Variants in BAIAP3 observed in about 807,000 individuals in gnomAD.
The protein encoded by BAIAP3 is BAI1 associated protein 3.
In BAIAP3, 180 loss-of-function variants were observed where a neutral mutation model predicts 149.7. That is an observed-to-expected ratio of 1.20 (90% CI 1.07 to 1.36). BAIAP3 has a LOEUF of 1.36. Among genes scored for constraint, BAIAP3 ranks in the 40% most tolerant of loss-of-function variants. BAIAP3 has a pLI of 0.00. For missense variants in BAIAP3, 1,767 were observed against 1,563.4 expected (o/e 1.13, Z -2.20); for synonymous variants, 845 against 670.7 (o/e 1.26, Z -4.02).
Position 1,349,289 on chromosome 16 carries a change from C to A in BAIAP3, c.*807C>A. 4 of 883,636 alleles carry A rather than the reference C, an allele frequency of 4.5e-6. No individual in the cohort carries two copies. Among genetic ancestry groups the A allele is most frequent in the South Asian group, 4.3e-5 (3 of 69,348 alleles). 54.7% of individuals were successfully genotyped at this position (883,636 alleles called of 1,614,324 possible). On this transcript the variant is annotated 3_prime_UTR_variant, in exon 34 of 34. Coordinates refer to ENST00000426824, the MANE Select transcript of BAIAP3 (RefSeq NM_001199097.2). ...GAGAGCGCCGAGGCAGGACACAGAG[C>A]ACAGCTGTGCTGGAAGTGTGGGGAG... is the stretch of plus-strand genomic sequence containing the variant.
intron 1 of BAIAP3, chr16:1,334,601 C>CG: frequency 6.7e-7 from 1 of 1,486,420 alleles, no homozygotes; most frequent in South Asian, 1.2e-5. Context: ...TCTGAGGCTT[C>CG]GGGGAGCCCA....
At chr16:1,335,932 A>ACCCC (rs1403537998) in intron 1 of BAIAP3, among the ~76,000 whole-genome samples, 4 of 152,132 alleles carry the variant, frequency 2.6e-5, no homozygotes, top group Non-Finnish European at 5.9e-5. Flanking sequence ...CCCATCTGAG[A>ACCCC]TGCAGGGAGC....
chr16:1,345,162 G>C (rs533843832), intron 21 of BAIAP3, 63 bp downstream of exon 21: 88 of 1,610,524 alleles, frequency 5.5e-5, no homozygotes, highest in Middle Eastern at 3.3e-4. Flanking sequence ...GGACCTGTGA[G>C]GGGGACGGTC....
Position 1,339,058 on chromosome 16 carries a change from T to TG in BAIAP3, c.219+69_219+70insG, listed in dbSNP as rs1223745475. 102 of 1,605,164 alleles carry TG rather than the reference T, an allele frequency of 6.4e-5. No individual in the cohort carries two copies. The Admixed American group carries it at 1.7e-3, about 27-fold the overall frequency. On this transcript the variant is annotated intron_variant, in intron 3 of 33. Transcript: ENST00000426824. ...GGGCTCCCCCTTTGCTCCTCCCCGC[T>TG]CCCTCCTGCCCTCGCTCCCACCTCC...
rs775745527 is a variant in BAIAP3 at position 1,345,988 on chromosome 16, C to T, written c.2211C>T (p.Asp737=). The part of the protein sequence containing the change: ...AQGLGTQLGQ[D]VCEATLFYTE... ...CCCCACCGCCATCCCCTCCTCAGGA[C>T]GTGTGTGAGGCCACCCTCTTCTATA... The change falls in exon 24 of 34, where the codon GAC becomes GAT. Residue 737 remains aspartate, a splice_region_variant and synonymous_variant. Transcript: ENST00000426824. 2.4e-5 allele frequency: 39 copies of T among 1,605,938 alleles called. No individual in the cohort carries two copies. Among genetic ancestry groups the T allele is most frequent in the Middle Eastern group, 1.7e-4 (1 of 6,054 alleles).
At chr16:1,347,402 G>A in intron 29 of BAIAP3, 33 bp downstream of exon 29, 2 of 1,609,372 alleles carry the variant, frequency 1.2e-6, no homozygotes, top group East Asian at 2.2e-5. Flanking sequence ...GCGGGGGTGT[G>A]GATGAGGGGA....
rs1256971685 is a variant in BAIAP3 at position 1,338,744 on chromosome 16, G to A, written c.131+64G>A. ...CCATTTCCCGCCAGACTTCACACAT[G>A]GCCGCCCCTGCCCCAGCACCCCTGG... is the stretch of plus-strand genomic sequence containing the variant. On this transcript the variant is annotated intron_variant, in intron 2 of 33. Coordinates refer to ENST00000426824, the MANE Select transcript of BAIAP3 (RefSeq NM_001199097.2). 1.9e-6 allele frequency: 3 copies of A among 1,560,628 alleles called. No individual in the cohort carries two copies. The African/African-American group carries it at 4.1e-5, about 21-fold the overall frequency.
chr16:1,348,256 G>C lies in BAIAP3; in HGVS notation c.3310G>C (p.Ala1104Pro), dbSNP rs777975522. 4 of 1,603,216 alleles carry C rather than the reference G, an allele frequency of 2.5e-6. No individual in the cohort carries two copies. In the African/African-American group the frequency reaches 5.3e-5, roughly 21 times the overall value. ...ARPQVGGGARAGQPVTLHLCR... is the reference protein window; with the variant it reads ...ARPQVGGGARPGQPVTLHLCR... ...GCCCCAGGTGGGCGGGGGTGCAAGG[G>C]CTGGGCAGCCTGTCACCCTGCACCT... Residue 1104 changes from alanine (A) to proline (P), a missense_variant, in exon 33 of 34, where the codon GCT becomes CCT. By Grantham distance (27) the Ala-to-Pro change is conservative (BLOSUM62 -1). Coordinates refer to ENST00000426824, the MANE Select transcript of BAIAP3 (RefSeq NM_001199097.2).
Position 1,341,437 on chromosome 16 carries a change from A to G in BAIAP3, c.679A>G (p.Thr227Ala). The G allele has an allele frequency of 6.2e-7, 1 of 1,612,648 alleles. No homozygotes were observed. The highest frequency in any genetic ancestry group is 8.5e-7 in the Non-Finnish European group (1 of 1,179,878). The change falls in exon 8 of 34, where the codon ACC (threonine) becomes GCC (alanine). Residue 227 changes from threonine to alanine, a missense_variant. By Grantham distance (58) the Thr-to-Ala change is moderately conservative. Coordinates refer to ENST00000426824, the MANE Select transcript of BAIAP3 (RefSeq NM_001199097.2). ...CCTGCCTGCCAAGTGCATCCAGGTC[A>G]CCGAGGTGAAGAGCAGCACCCTGAA... Reference protein sequence around the residue: ...GPLPAKCIQVTEVKSSTLNPV... With the variant: ...GPLPAKCIQVAEVKSSTLNPV...
At chr16:1,334,776 C>G in intron 1 of BAIAP3, 1 of 1,545,412 alleles carries the variant, frequency 6.5e-7, no homozygotes, top group Non-Finnish European at 8.7e-7. Flanking sequence ...GGGAGAGATT[C>G]CTGCGGGAAA....
At position 1,346,025 on chromosome 16, in the gene BAIAP3, C is replaced by G. The variant is rs143578932; in HGVS notation, c.2248C>G (p.Arg750Gly). Residue 750 changes from arginine (R) to glycine (G), a missense_variant, in exon 24 of 34, where the codon CGG becomes GGG. Physicochemically the swap from Arg to Gly is moderately radical, Grantham distance 125. Coordinates refer to ENST00000426824, the MANE Select transcript of BAIAP3 (RefSeq NM_001199097.2). Reference sequence around the variant, plus strand: ...CACCCTCTTCTATACGGAGCTGCTTCGGAAGAAGGTGGACACTCAGCCAGG... The same window carrying G: ...CACCCTCTTCTATACGGAGCTGCTTGGGAAGAAGGTGGACACTCAGCCAGG... ...EATLFYTELL[R>G]KKVDTQPGAA... 18 of 1,611,330 alleles carry G rather than the reference C, an allele frequency of 1.1e-5. No individual in the cohort carries two copies. The South Asian group carries it at 1.8e-4, about 16-fold the overall frequency.
At position 1,347,559 on chromosome 16, in the gene BAIAP3, G is replaced by A; in HGVS notation, c.2838G>A (p.Glu946=). Residue 946 remains glutamate, a synonymous_variant, in exon 30 of 34, where the codon GAG becomes GAA. Coordinates refer to ENST00000426824, the MANE Select transcript of BAIAP3 (RefSeq NM_001199097.2). ...RDGSYKRLKE[E]LRLHKCSTRE... is the part of the protein sequence containing the mutation. ...TCCCCCTGCAGAGGCTGAAGGAGGA[G>A]CTGCGGCTGCACAAATGTTCCACCC... 1 of 1,610,044 alleles carries A rather than the reference G, an allele frequency of 6.2e-7. No individual in the cohort carries two copies. Among genetic ancestry groups the A allele is most frequent in the African/African-American group, 1.3e-5 (1 of 74,990 alleles).
chr16:1,343,561 G>C, intron 15 of BAIAP3, 48 bp downstream of exon 15: 1 of 1,595,542 alleles, frequency 6.3e-7, no homozygotes, highest in Non-Finnish European at 8.5e-7. Context: ...AGGGAGTGCT[G>C]GGGACTGGGG....
In BAIAP3 at chr16:1,341,239, G is replaced by C. The variant is rs576384264; in HGVS notation, c.535+44G>C. On this transcript the variant is annotated intron_variant, in intron 7 of 33. Transcript: ENST00000426824. Reference sequence around the variant, plus strand: ...GACCTCGGCTGCGCCGAGGCCTGGCGGCCATGGAGGGCCAGAGGGCGTGGG... The same window carrying C: ...GACCTCGGCTGCGCCGAGGCCTGGCCGCCATGGAGGGCCAGAGGGCGTGGG... 2.5e-6 allele frequency: 4 copies of C among 1,605,924 alleles called. No individual in the cohort carries two copies. The Admixed American group carries it at 5.1e-5, about 20-fold the overall frequency.
Position 1,339,576 on chromosome 16 carries a change from G to C in BAIAP3, c.381G>C (p.Glu127Asp), listed in dbSNP as rs1030499988. ...TGGGCCCTGACCAGGTGGACGACGA[G>C]GAGGCCCTGCTCAGCTATCTCCAGC... Reference protein sequence around the residue: ...GTMGPDQVDDEEALLSYLQQV... With the variant: ...GTMGPDQVDDDEALLSYLQQV... Residue 127 changes from glutamate (E) to aspartate (D), a missense_variant, in exon 5 of 34, where the codon GAG (glutamate) becomes GAC (aspartate). By Grantham distance (45) the Glu-to-Asp change is conservative. Coordinates refer to ENST00000426824, the MANE Select transcript of BAIAP3 (RefSeq NM_001199097.2). The C allele has an allele frequency of 5.0e-6, 8 of 1,612,508 alleles. No individual in the cohort carries two copies. Among genetic ancestry groups the C allele is most frequent in the South Asian group, 3.3e-5 (3 of 91,014 alleles).
At chr16:1,338,397 G>C in intron 1 of BAIAP3, 143 bp from the exon 2 acceptor site, 1 of 1,087,624 alleles carries the variant, frequency 9.2e-7, no homozygotes, top group Non-Finnish European at 1.3e-6. Context: ...CTGACCAGGT[G>C]CCCAGCGCCA....
In BAIAP3 at chr16:1,347,587, G is replaced by A. The variant is rs777542651; in HGVS notation, c.2866G>A (p.Glu956Lys). ...GCGGCTGCACAAATGTTCCACCCGCGAGTGCATCGAGCAGTTCTACCTGGA... is the reference window on the plus strand; with the variant it reads ...GCGGCTGCACAAATGTTCCACCCGCAAGTGCATCGAGCAGTTCTACCTGGA... ...ELRLHKCSTR[E>K]CIEQFYLDKL... The change falls in exon 30 of 34, where the codon GAG becomes AAG. Residue 956 changes from glutamate to lysine, a missense_variant. Coordinates refer to ENST00000426824, the MANE Select transcript of BAIAP3 (RefSeq NM_001199097.2). The A allele has an allele frequency of 1.7e-5, 28 of 1,612,756 alleles. No homozygotes were observed. The highest frequency in any genetic ancestry group is 1.1e-4 in the East Asian group (5 of 44,886).
chr16:1,341,806 T>C lies in BAIAP3; in HGVS notation c.732-16T>C. ...CTCGCCGGGGACCCTCATGGGCATC[T>C]CTGTTCTCCTTGTAGCGAGATTGAG... On this transcript the variant is annotated splice_polypyrimidine_tract_variant and intron_variant, in intron 8 of 33. Coordinates refer to ENST00000426824, the MANE Select transcript of BAIAP3 (RefSeq NM_001199097.2). The C allele has an allele frequency of 6.2e-7, 1 of 1,611,412 alleles. No homozygotes were observed. Among genetic ancestry groups the C allele is most frequent in the South Asian group, 1.1e-5 (1 of 90,862 alleles).
At chr16:1,339,639 G>A (rs1254219301) in intron 5 of BAIAP3, 36 bp downstream of exon 5, 2 of 1,537,428 alleles carry the variant, frequency 1.3e-6, no homozygotes, top group African/African-American at 2.7e-5. Context: ...GACCCTGACA[G>A]CTTCCCCACC....
Sources: gnomAD v4.1 joint callset for allele counts (sites outside exome capture counted in the v4.1 genomes callset) on GRCh38, gnomAD v4.1.1 for gene constraint, MANE v1.5 for transcripts, NCBI Gene and HGNC (gene_info 2026-07-23, HGNC 2026-07-21) for gene names.